The following QKI variants were observed in gnomAD, a reference collection of about 807,000 sequenced individuals.
QKI encodes the protein KH domain-containing RNA-binding protein QKI.
A neutral mutation model predicts 39.0 loss-of-function variants in QKI; 10 were observed. The observed-to-expected ratio is 0.26, with a 90% confidence interval of 0.16 to 0.43. The LOEUF is 0.43. QKI is among the 20% of genes least tolerant of loss of function. The probability of loss-of-function intolerance (pLI) is 1.00; values close to 1 mark genes in which losing one functional copy is unlikely to be tolerated. For synonymous variants in QKI, 204 were observed against 155.4 expected (o/e 1.31, Z -2.33); for missense variants, 218 against 428.0 (o/e 0.51, Z 4.33).
chr6:163,452,534 T>C (rs1324470763), intron 1 of QKI, among the ~76,000 whole-genome samples: 1 of 152,124 alleles, frequency 6.6e-6, no homozygotes. Flanking sequence ...CAAGTATTTA[T>C]TGAGGGCCAG....
At chr6:163,505,836 G>C (rs1277363752) in intron 3 of QKI, among the ~76,000 whole-genome samples, 1 of 152,128 alleles carries the variant, frequency 6.6e-6, no homozygotes, top group Non-Finnish European at 1.5e-5. Context: ...GTTATGAAAT[G>C]TGAAAAGGAC....
chr6:163,505,509 A>G (rs1031082112), intron 3 of QKI, among the ~76,000 whole-genome samples: 3 of 152,134 alleles, frequency 2.0e-5, no homozygotes, highest in African/African-American at 7.2e-5. Context: ...CCTTGCAACA[A>G]CGTGTCCTGG....
At chr6:163,546,198 A>G (rs1360181247) in intron 4 of QKI, among the ~76,000 whole-genome samples, 1 of 151,678 alleles carries the variant, frequency 6.6e-6, no homozygotes, top group Admixed American at 6.6e-5. Context: ...AATATTTATT[A>G]GAAAAATAGG....
chr6:163,533,807 C>A (rs1419677243), intron 3 of QKI, among the ~76,000 whole-genome samples: 1 of 151,920 alleles, frequency 6.6e-6, no homozygotes, highest in South Asian at 2.1e-4. Flanking sequence ...TATCCCCTTA[C>A]AATATGTGGA....
chr6:163,457,991 T>C (rs1791054032), intron 2 of QKI, among the ~76,000 whole-genome samples: 1 of 152,080 alleles, frequency 6.6e-6, no homozygotes, highest in African/African-American at 2.4e-5. Flanking sequence ...GAGGAAGGCA[T>C]GAAAACCATC....
Position 163,564,568 on chromosome 6 carries a change from C to T in QKI, c.934+849C>T, listed in dbSNP as rs967249421. 1.6e-5 allele frequency: 25 copies of T among 1,594,140 alleles called. 1 individual carries two copies. Among genetic ancestry groups the T allele is most frequent in the Middle Eastern group, 1.7e-4 (1 of 5,960 alleles). On this transcript the variant is annotated intron_variant, in intron 6 of 7. Coordinates refer to ENST00000361752, the MANE Select transcript of QKI (RefSeq NM_006775.3). ...GCAAATCACTGAATTCAGAATCTCA[C>T]TTAAGGCAGAAATTAAAATCATAAT...
intron 4 of QKI, among the ~76,000 whole-genome samples, chr6:163,539,790 T>G (rs1458492156): frequency 6.6e-6 from 1 of 152,204 alleles, no homozygotes; most frequent in Non-Finnish European, 1.5e-5. Flanking sequence ...TGTACCAATT[T>G]ACTGTCCTGC....
chr6:163,478,803 T>G lies in QKI; in HGVS notation c.309T>G (p.Leu103=). 1 of 1,610,952 alleles carries G rather than the reference T, an allele frequency of 6.2e-7. No homozygotes were observed. The highest frequency in any genetic ancestry group is 8.5e-7 in the Non-Finnish European group (1 of 1,178,762). Residue 103 remains leucine (L), a synonymous_variant, in exon 3 of 8, where the codon CTT becomes CTG. Transcript: ENST00000361752. ...AGTTTAATTTTGTTGGGAGAATCCT[T>G]GGACCTAGAGGACTTACAGCCAAAC... ...YPDFNFVGRI[L]GPRGLTAKQL...
rs1300899933 is a variant in QKI, at chr6:163,421,704, T to C, written c.142+6369T>C. 3.9e-5 allele frequency among the ~76,000 whole-genome samples: 6 copies of C among 152,178 alleles called. No homozygotes were observed. In the East Asian group the frequency reaches 7.7e-4, roughly 20 times the overall value. On this transcript the variant is annotated intron_variant, in intron 1 of 7. Transcript: ENST00000361752. The stretch of plus-strand genomic sequence containing the variant: ...TGCCATTACTTAGAAAACTGATAAA[T>C]TGAAGTTTTCACTTAGCTGAAACTA...
intron 3 of QKI, among the ~76,000 whole-genome samples, chr6:163,502,102 C>T (rs569401725): frequency 4.3e-4 from 65 of 152,182 alleles, no homozygotes; most frequent in Middle Eastern, 3.4e-3. Context: ...GTGGGTGGAT[C>T]GCTTGAGCTC....
At chr6:163,418,534 A>G (rs951740047) in intron 1 of QKI, among the ~76,000 whole-genome samples, 2 of 152,090 alleles carry the variant, frequency 1.3e-5, no homozygotes, top group Non-Finnish European at 2.9e-5. Context: ...CAGCTCTTCC[A>G]CTGAAGTATC....
intron 4 of QKI, among the ~76,000 whole-genome samples, chr6:163,536,835 A>G (rs1583182064): frequency 6.6e-6 from 1 of 152,212 alleles, no homozygotes. Flanking sequence ...GACAGAATAC[A>G]TCATATTTTT....
At chr6:163,526,194 A>G (rs1421196612) in intron 3 of QKI, among the ~76,000 whole-genome samples, 7 of 152,196 alleles carry the variant, frequency 4.6e-5, no homozygotes, top group African/African-American at 1.7e-4. Context: ...GAAGGGGTAT[A>G]TTTGATTGAA....
intron 4 of QKI, among the ~76,000 whole-genome samples, chr6:163,550,717 C>A (rs953775588): frequency 3.3e-5 from 5 of 152,022 alleles, no homozygotes; most frequent in Non-Finnish European, 7.4e-5. Context: ...GAGGCTGAGG[C>A]AGGTGGATCA....
rs192878500 is a variant in QKI at position 163,520,467 on chromosome 6, A to T, written c.403-14515A>T. Among the ~76,000 whole-genome samples the T allele has an allele frequency of 3.6e-3, 555 of 152,244 alleles. 4 individuals carry two copies. Among genetic ancestry groups the T allele is most frequent in the African/African-American group, 0.012 (513 of 41,544 alleles). On this transcript the variant is annotated intron_variant, in intron 3 of 7. Transcript: ENST00000361752. ...GGAAATTATAAATGTCGGTTGCATA[A>T]TTGTAATTCATGAAGGAAGACATTC...
intron 3 of QKI, among the ~76,000 whole-genome samples, chr6:163,493,723 T>G (rs1380385183): frequency 1.3e-5 from 2 of 152,174 alleles, no homozygotes; most frequent in East Asian, 3.9e-4. Flanking sequence ...ATGTGTAGAA[T>G]TGGTTGGTTG....
At chr6:163,568,744 T>C (rs1783524684) in intron 7 of QKI, 2 of 985,132 alleles carry the variant, frequency 2.0e-6, no homozygotes, top group Non-Finnish European at 1.2e-6. Context: ...ACGTTTAGAG[T>C]ACTACATGGT....
rs560780732 is a variant in QKI, at chr6:163,508,218, TGAA to T, written c.403-26760_403-26758del. On this transcript the variant is annotated intron_variant, in intron 3 of 7. Transcript: ENST00000361752. ...GTAAATAAGACTGAAAAAAAATACT[TGAA>T]GAACTAATGGCAGAAAAATCTCACA... Among the ~76,000 whole-genome samples, 1,332 of 152,118 alleles carry T rather than the reference TGAA, an allele frequency of 8.8e-3. 13 individuals carry two copies. Among genetic ancestry groups the T allele is most frequent in the Middle Eastern group, 0.02 (6 of 294 alleles).
rs536855353 is a variant in QKI at position 163,511,132 on chromosome 6, TG to T, written c.403-23849del. ...GTATTTGGAAAGTGACACACTTTTT[TG>T]TAATCAGTTGGTCAAGAGATGTCAA... is the stretch of plus-strand genomic sequence containing the variant. On this transcript the variant is annotated intron_variant, in intron 3 of 7. Coordinates refer to ENST00000361752, the MANE Select transcript of QKI (RefSeq NM_006775.3). 9.1e-4 allele frequency among the ~76,000 whole-genome samples: 138 copies of T among 152,298 alleles called. 1 individual carries two copies. The highest frequency in any genetic ancestry group is 3.0e-3 in the African/African-American group (124 of 41,582).
Sources: allele counts gnomAD v4.1 joint callset (sites outside exome capture counted in the v4.1 genomes callset), GRCh38; gene constraint gnomAD v4.1.1; transcripts MANE v1.5; gene names NCBI Gene and HGNC (gene_info 2026-07-23, HGNC 2026-07-21).